The following KIAA0825 variants were observed in gnomAD, a reference collection of about 807,000 sequenced individuals.
The protein encoded by KIAA0825 is KIAA0825.
In KIAA0825, 119 loss-of-function variants were observed where a neutral mutation model predicts 147.6. The observed-to-expected ratio is 0.81, with a 90% CI of 0.69 to 0.94. The LOEUF (loss-of-function observed/expected upper bound fraction) is 0.94. Ranked by LOEUF, KIAA0825 falls within the 40% of genes least tolerant of loss-of-function variation. KIAA0825 has a pLI of 0.00. For synonymous variants in KIAA0825, 470 were observed against 518.1 expected, an observed-to-expected ratio of 0.91 and a Z score of 1.26; for missense variants, 1,381 against 1,472.7, an observed-to-expected ratio of 0.94 and a Z score of 1.02.
At chr5:94,542,299 C>T (rs372103021) in intron 2 of KIAA0825, among the ~76,000 whole-genome samples, 1 of 152,138 alleles carries the variant, frequency 6.6e-6, no homozygotes, top group Admixed American at 6.5e-5. Flanking sequence ...TAACATTTGG[C>T]TTAAAATGTT....
chr5:94,343,054 C>T (rs1214135838), intron 20 of KIAA0825, among the ~76,000 whole-genome samples: 1 of 151,946 alleles, frequency 6.6e-6, no homozygotes, highest in African/African-American at 2.4e-5. Flanking sequence ...GACAACATAC[C>T]TTTGCAGAAA....
At chr5:94,267,774 G>A (rs767257964) in intron 20 of KIAA0825, among the ~76,000 whole-genome samples, 2 of 151,936 alleles carry the variant, frequency 1.3e-5, no homozygotes, top group African/African-American at 4.8e-5. Context: ...TCATTTTTAC[G>A]TTCTCTTTTT....
At chr5:94,483,527 C>T (rs934289307) in intron 6 of KIAA0825, among the ~76,000 whole-genome samples, 4 of 151,666 alleles carry the variant, frequency 2.6e-5, no homozygotes, top group Admixed American at 1.3e-4. Context: ...ATCTAAAAGA[C>T]GTTTTAAGGG....
chr5:94,159,800 C>T (rs954965593), intron 20 of KIAA0825, among the ~76,000 whole-genome samples: 16 of 151,950 alleles, frequency 1.1e-4, no homozygotes, highest in Admixed American at 3.9e-4. Flanking sequence ...ATTTCTCCTG[C>T]GATAACCAAT....
chr5:94,571,525 A>C (rs1427635390), intron 2 of KIAA0825, among the ~76,000 whole-genome samples: 1 of 152,252 alleles, frequency 6.6e-6, no homozygotes, highest in African/African-American at 2.4e-5. Context: ...AATTCAGAAC[A>C]GTCACTTGAT....
At chr5:94,187,693 G>T (rs937374469) in intron 20 of KIAA0825, among the ~76,000 whole-genome samples, 4 of 151,962 alleles carry the variant, frequency 2.6e-5, no homozygotes, top group African/African-American at 9.7e-5. Flanking sequence ...CCAAAGTGCT[G>T]GGATTACAGG....
intron 20 of KIAA0825, among the ~76,000 whole-genome samples, chr5:94,365,372 C>T (rs1269792242): frequency 6.6e-6 from 1 of 152,170 alleles, no homozygotes; most frequent in Non-Finnish European, 1.5e-5. Context: ...TTAATCCTGG[C>T]CACGAAATGA....
At chr5:94,570,550 A>C (rs909928631) in intron 2 of KIAA0825, 2 of 152,276 alleles carry the variant, frequency 1.3e-5, no homozygotes, top group Non-Finnish European at 2.9e-5. Flanking sequence ...CCCTAACCTG[A>C]ATTGGAGGAC....
At chr5:94,269,263 A>G (rs1776870769) in intron 20 of KIAA0825, among the ~76,000 whole-genome samples, 1 of 152,182 alleles carries the variant, frequency 6.6e-6, no homozygotes, top group African/African-American at 2.4e-5. Context: ...AAACAAAATC[A>G]TACAACAGAT....
chr5:94,151,423 CAAAAAAAAA>C lies in KIAA0825; in HGVS notation c.*2575_*2583del, dbSNP rs11363132. On this transcript the variant is annotated 3_prime_UTR_variant, in exon 21 of 21. Transcript: ENST00000682413. ...TGGGCGACAGAGCGAGACTCCGTCT[CAAAAAAAAA>C]AAAAAAAAAAAAAAAAAAACATATT... Among the ~76,000 whole-genome samples, 44 of 21,542 alleles carry C rather than the reference CAAAAAAAAA, an allele frequency of 2.0e-3. No individual in the cohort carries two copies. Among genetic ancestry groups the C allele is most frequent in the African/African-American group, 6.7e-3 (43 of 6,462 alleles). The allele number at this position is 21,542 out of a possible 152,430, so 14.1% of individuals were successfully genotyped here.
intron 20 of KIAA0825, among the ~76,000 whole-genome samples, chr5:94,266,726 G>C (rs572873985): frequency 2.0e-5 from 3 of 151,946 alleles, no homozygotes; most frequent in African/African-American, 4.8e-5. Context: ...TTTTTGTTTC[G>C]GGAAATACAG....
In KIAA0825 at chr5:94,563,251, C is replaced by T. The variant is rs547653132; in HGVS notation, c.-2+19182G>A. Among the ~76,000 whole-genome samples the T allele has an allele frequency of 1.1e-4, 16 of 151,486 alleles. No homozygotes were observed. In the South Asian group the frequency reaches 2.3e-3, roughly 22 times the overall value. On this transcript the variant is annotated intron_variant, in intron 2 of 20. Transcript: ENST00000682413. Reference sequence around the variant, plus strand: ...TGGGCGCCTGTAGTCCCAGCTACTCCGGAGGCTGAGGCCAGGGAATGGCGT... The same window carrying T: ...TGGGCGCCTGTAGTCCCAGCTACTCTGGAGGCTGAGGCCAGGGAATGGCGT...
chr5:94,159,134 G>A (rs1335233265), intron 20 of KIAA0825, among the ~76,000 whole-genome samples: 1 of 152,120 alleles, frequency 6.6e-6, no homozygotes, highest in Non-Finnish European at 1.5e-5. Flanking sequence ...TGCAGCTTCA[G>A]CCTTCCTGTC....
At chr5:94,431,832 G>T (rs1214073833) in intron 14 of KIAA0825, among the ~76,000 whole-genome samples, 1 of 152,190 alleles carries the variant, frequency 6.6e-6, no homozygotes, top group Non-Finnish European at 1.5e-5. Context: ...CTAAACCAGA[G>T]AATGCATGAC....
intron 1 of KIAA0825, among the ~76,000 whole-genome samples, chr5:94,608,130 T>C (rs1272664117): frequency 6.6e-6 from 1 of 151,934 alleles, no homozygotes; most frequent in African/African-American, 2.4e-5. Context: ...GATGTAGGTA[T>C]CTCATGGGGG....
intron 5 of KIAA0825, among the ~76,000 whole-genome samples, chr5:94,491,555 G>A (rs879795685): frequency 9.2e-5 from 14 of 152,098 alleles, no homozygotes; most frequent in Admixed American, 3.3e-4. Context: ...TTTGTAAAGG[G>A]CCTTCTGTGT....
rs1777373575 is a variant in KIAA0825, at chr5:94,279,636, CA to C, written c.3710+104731del. The stretch of plus-strand genomic sequence containing the variant: ...ACCTCTCCCCTTCCTTTTCTCTCCT[CA>C]CCTTTTCTTCTCCCTTCTTTCTTCC... On this transcript the variant is annotated intron_variant, in intron 20 of 20. Transcript: ENST00000682413. 2.6e-5 allele frequency among the ~76,000 whole-genome samples: 4 copies of C among 151,996 alleles called. No individual in the cohort carries two copies. The East Asian group carries it at 7.7e-4, about 29-fold the overall frequency.
At chr5:94,499,878 G>A (rs528148302) in intron 5 of KIAA0825, among the ~76,000 whole-genome samples, 1 of 152,290 alleles carries the variant, frequency 6.6e-6, no homozygotes, top group South Asian at 2.1e-4. Flanking sequence ...AATTAGATAT[G>A]TTGATAGAAT....
chr5:94,425,958 C>T (rs1472646391), intron 14 of KIAA0825, among the ~76,000 whole-genome samples: 1 of 151,814 alleles, frequency 6.6e-6, no homozygotes, highest in African/African-American at 2.4e-5. Context: ...AGTGATCCTC[C>T]CAACTCAGCC....
Sources: allele counts gnomAD v4.1 joint callset (sites outside exome capture counted in the v4.1 genomes callset), GRCh38; gene constraint gnomAD v4.1.1; transcripts MANE v1.5; gene names NCBI Gene and HGNC (gene_info 2026-07-23, HGNC 2026-07-21).